Variants in FTO observed in about 807,000 individuals in gnomAD.
FTO encodes the protein FTO alpha-ketoglutarate dependent dioxygenase.
FTO carries 47 observed loss-of-function variants against 63.9 expected under a neutral mutation model. The observed-to-expected ratio is 0.74, with a 90% confidence interval of 0.58 to 0.94. The LOEUF is 0.94. FTO is among the 40% of genes least tolerant of loss of function. The probability of loss-of-function intolerance (pLI) is 0.00; values close to 1 mark genes in which losing one functional copy is unlikely to be tolerated. For missense variants in FTO, 562 were observed against 618.1 expected, an observed-to-expected ratio of 0.91 and a Z score of 0.96; for synonymous variants, 207 against 224.4, an observed-to-expected ratio of 0.92 and a Z score of 0.69.
intron 1 of FTO, among the ~76,000 whole-genome samples, chr16:53,729,508 G>GAA (rs58614245): frequency 6.7e-6 from 1 of 149,670 alleles, no homozygotes; most frequent in African/African-American, 2.5e-5. Context: ...GTATCGGGGG[G>GAA]AAAAAAAAAG....
At chr16:54,029,032 G>A (rs1265706910) in intron 8 of FTO, among the ~76,000 whole-genome samples, 1 of 152,144 alleles carries the variant, frequency 6.6e-6, no homozygotes, top group Non-Finnish European at 1.5e-5. Flanking sequence ...TTGCTTGACA[G>A]TATTGTCAAT....
chr16:53,741,400 G>T (rs917751980), intron 1 of FTO, among the ~76,000 whole-genome samples: 4 of 152,020 alleles, frequency 2.6e-5, no homozygotes, highest in Non-Finnish European at 5.9e-5. Flanking sequence ...AACTTCTATT[G>T]CATTGTTTGT....
rs1190386611 is a variant in FTO, at chr16:54,117,412, T to A, written c.*5497T>A. ...GTCTTTGTTTCTATAATGGGGATGA[T>A]GATAATGCCTAGCTCATTGGATTGT... On this transcript the variant is annotated 3_prime_UTR_variant, in exon 9 of 9. Coordinates refer to ENST00000471389, the MANE Select transcript of FTO (RefSeq NM_001080432.3). 6.6e-6 allele frequency: 1 copy of A among 152,206 alleles called. No homozygotes were observed. The highest frequency in any genetic ancestry group is 1.5e-5 in the Non-Finnish European group (1 of 68,030). 9.4% of individuals were successfully genotyped at this position (152,206 alleles called of 1,614,324 possible).
intron 2 of FTO, among the ~76,000 whole-genome samples, chr16:53,823,895 C>A (rs1456138322): frequency 6.6e-6 from 1 of 151,978 alleles, no homozygotes; most frequent in African/African-American, 2.4e-5. Context: ...CAAAAAAACC[C>A]AAAAAACCCC....
At chr16:54,075,977 G>T (rs56374632) in intron 8 of FTO, among the ~76,000 whole-genome samples, 2 of 152,074 alleles carry the variant, frequency 1.3e-5, no homozygotes, top group East Asian at 3.9e-4. Flanking sequence ...AATATGCGAG[G>T]CCGGATTCCC....
At chr16:53,905,494 A>G (rs2081513099) in intron 7 of FTO, among the ~76,000 whole-genome samples, 1 of 152,040 alleles carries the variant, frequency 6.6e-6, no homozygotes, top group South Asian at 2.1e-4. Context: ...TCCTCCCGCC[A>G]TCCTGCTAAT....
At chr16:53,726,758 C>T (rs2076162319) in intron 1 of FTO, among the ~76,000 whole-genome samples, 1 of 152,202 alleles carries the variant, frequency 6.6e-6, no homozygotes, top group Non-Finnish European at 1.5e-5. Flanking sequence ...TGGTGCATGA[C>T]AGTTGCCCTT....
At chr16:53,748,682 C>G (rs1329727851) in intron 1 of FTO, among the ~76,000 whole-genome samples, 1 of 152,164 alleles carries the variant, frequency 6.6e-6, no homozygotes, top group South Asian at 2.1e-4. Context: ...TCTTGAACTC[C>G]TGACGTCAGG....
intron 3 of FTO, among the ~76,000 whole-genome samples, chr16:53,841,381 T>C (rs759576119): frequency 1.6e-4 from 25 of 152,172 alleles, no homozygotes; most frequent in Admixed American, 3.3e-4. Flanking sequence ...TAAAAGATGT[T>C]CTTAATTAAA....
chr16:53,819,023 G>A (rs1416977001), intron 2 of FTO, among the ~76,000 whole-genome samples: 1 of 152,070 alleles, frequency 6.6e-6, no homozygotes, highest in Non-Finnish European at 1.5e-5. Context: ...AAGCAACATT[G>A]TAATAATTTG....
chr16:53,922,865 T>G (rs58761531), intron 7 of FTO, among the ~76,000 whole-genome samples: 3,274 of 152,312 alleles, frequency 0.021, 40 homozygotes, highest in Middle Eastern at 0.037. Flanking sequence ...AAGAGTGTGT[T>G]TCTGAGGCTC....
intron 1 of FTO, among the ~76,000 whole-genome samples, chr16:53,796,937 CCTT>C (rs1176568687): frequency 2.6e-5 from 4 of 152,208 alleles, no homozygotes; most frequent in Non-Finnish European, 4.4e-5. Flanking sequence ...ATCCTTTTCT[CCTT>C]CTCTCCCCTA....
At chr16:53,898,299 G>T (rs2081320385) in intron 7 of FTO, among the ~76,000 whole-genome samples, 1 of 152,058 alleles carries the variant, frequency 6.6e-6, no homozygotes, top group African/African-American at 2.4e-5. Context: ...CGCTGCCTTT[G>T]TCTGGAATGT....
intron 2 of FTO, among the ~76,000 whole-genome samples, chr16:53,816,261 ACTGCCATCATCT>A (rs1423126556): frequency 6.6e-6 from 1 of 152,180 alleles, no homozygotes; most frequent in Admixed American, 6.5e-5. Context: ...CGTGGCCAAA[ACTGCCATCATCT>A]CTGTTGCAAC....
intron 2 of FTO, among the ~76,000 whole-genome samples, chr16:53,820,200 G>C (rs567058864): frequency 3.2e-4 from 49 of 151,888 alleles, no homozygotes; most frequent in East Asian, 9.7e-4. Context: ...GTAGAAACAG[G>C]GTTTTACCTT....
chr16:53,832,397 CTGACA>C (rs1419053179), intron 3 of FTO, among the ~76,000 whole-genome samples: 1 of 152,156 alleles, frequency 6.6e-6, no homozygotes, highest in East Asian at 1.9e-4. Flanking sequence ...ATTCCTCTTC[CTGACA>C]TATCTGTTTT....
Position 54,018,384 on chromosome 16 carries a change from T to TA in FTO, c.1364+84275_1364+84276insA, listed in dbSNP as rs1555502652. Among the ~76,000 whole-genome samples the TA allele has an allele frequency of 7.5e-3, 705 of 93,382 alleles. 3 individuals carry two copies. The highest frequency in any genetic ancestry group is 0.044 in the African/African-American group (664 of 15,020). The allele number at this position is 93,382 out of a possible 152,430, so 61.3% of individuals were successfully genotyped here. ...CATGGTTATAGCTTAGATAGATAGA[T>TA]GATAGATAGATAGATAGATAGATAG... On this transcript the variant is annotated intron_variant, in intron 8 of 8. Coordinates refer to ENST00000471389, the MANE Select transcript of FTO (RefSeq NM_001080432.3).
chr16:53,839,742 T>A (rs1262335097), intron 3 of FTO, among the ~76,000 whole-genome samples: 1 of 151,514 alleles, frequency 6.6e-6, no homozygotes, highest in Non-Finnish European at 1.5e-5. Flanking sequence ...TGAAAATTAT[T>A]TTTTTCAAGT....
intron 3 of FTO, among the ~76,000 whole-genome samples, chr16:53,831,179 A>G (rs2079132965): frequency 6.6e-6 from 1 of 152,188 alleles, no homozygotes; most frequent in Non-Finnish European, 1.5e-5. Context: ...GTTTATAATT[A>G]CAGCTTGGAG....
Sources: gnomAD v4.1 joint callset for allele counts (sites outside exome capture counted in the v4.1 genomes callset) on GRCh38, gnomAD v4.1.1 for gene constraint, MANE v1.5 for transcripts, NCBI Gene and HGNC (gene_info 2026-07-23, HGNC 2026-07-21) for gene names.